The following SHE variants were observed in gnomAD, a reference collection of about 807,000 sequenced individuals.
SHE encodes Src homology 2 domain containing E.
SHE carries 11 observed loss-of-function variants against 49.8 expected under a neutral mutation model. The observed-to-expected ratio is 0.22, with a 90% CI of 0.14 to 0.37. The LOEUF is 0.37. SHE is among the 10% of genes least tolerant of loss of function. The pLI is 1.00. For synonymous variants in SHE, 310 were observed against 278.1 expected (o/e 1.11, Z -1.14); for missense variants, 624 against 655.5 (o/e 0.95, Z 0.52).
chr1:154,489,390 A>G (rs979879066), intron 2 of SHE, 34 bp from the exon 3 acceptor site: 1 of 1,593,866 alleles, frequency 6.3e-7, no homozygotes, highest in South Asian at 1.1e-5. Flanking sequence ...AAAAACACAC[A>G]CCATACACAA....
chr1:154,479,932 G>A lies in SHE; in HGVS notation c.*4217C>T, dbSNP rs1207215761. ...GTCATCATTTTCCCTTTTCTGGACT[G>A]TATCAGAAATCCTTCAGAAAGCCCT... On this transcript the variant is annotated 3_prime_UTR_variant, in exon 6 of 6. Transcript: ENST00000304760. 1 of 985,298 alleles carries A rather than the reference G, an allele frequency of 1.0e-6. No individual in the cohort carries two copies. Among genetic ancestry groups the A allele is most frequent in the Non-Finnish European group, 1.2e-6 (1 of 829,930 alleles). The allele number at this position is 985,298 out of a possible 1,614,324, so 61.0% of individuals were successfully genotyped here. A position where few individuals can be genotyped will look rare whatever the true frequency, so the allele number is the denominator to read the frequency against.
At position 154,499,099 on chromosome 1, in the gene SHE, C is replaced by A. The variant is rs1274857778; in HGVS notation, c.718+13G>T. On this transcript the variant is annotated intron_variant, in intron 2 of 5. Coordinates refer to ENST00000304760, the MANE Select transcript of SHE (RefSeq NM_001010846.3). ...AGATTTCAGTCTCTATTCTGTAGAG[C>A]CTGCTTACAAACCTGTTATCATTTG... 9.3e-6 allele frequency: 15 copies of A among 1,613,386 alleles called. 1 individual carries two copies. The East Asian group carries it at 3.1e-4, about 34-fold the overall frequency.
downstream of SHE, among the ~76,000 whole-genome samples, chr1:154,478,056 T>A (rs920634742): frequency 2.0e-5 from 3 of 152,262 alleles, no homozygotes. Flanking sequence ...TTTGTCTTTT[T>A]GTGACTGACG....
At chr1:154,485,738 A>G in intron 5 of SHE, 1 of 525,042 alleles carries the variant, frequency 1.9e-6, no homozygotes, top group African/African-American at 1.9e-5. Context: ...CTTCATTATC[A>G]TAATAGATAA....
At chr1:154,485,652 C>G in intron 5 of SHE, 1 of 282,428 alleles carries the variant, frequency 3.5e-6, no homozygotes, top group Non-Finnish European at 6.9e-6. Context: ...AATTATTTCT[C>G]TACTGAGAGG....
downstream of SHE, among the ~76,000 whole-genome samples, chr1:154,475,414 C>T (rs140739216): frequency 9.9e-4 from 150 of 152,176 alleles, 1 homozygote; most frequent in East Asian, 0.026. Context: ...CCTGAACTCC[C>T]GACCTCAGGT....
chr1:154,501,386 C>CA, intron 1 of SHE, 50 bp downstream of exon 1: 1 of 1,578,308 alleles, frequency 6.3e-7, no homozygotes, highest in South Asian at 1.2e-5. Context: ...AGCAGGCGCC[C>CA]AGGGCTCCCC....
At chr1:154,495,578 C>T (rs1692503017) in intron 2 of SHE, among the ~76,000 whole-genome samples, 1 of 152,084 alleles carries the variant, frequency 6.6e-6, no homozygotes, top group Non-Finnish European at 1.5e-5. Context: ...ATGCTGGCTC[C>T]TATTCTCAAC....
chr1:154,496,107 T>C (rs1692521500), intron 2 of SHE, among the ~76,000 whole-genome samples: 1 of 152,166 alleles, frequency 6.6e-6, no homozygotes, highest in African/African-American at 2.4e-5. Flanking sequence ...TCCGATAAAC[T>C]CACTTCCTGT....
chr1:154,471,203 C>A (rs1691735855), intron 1 of SHE, among the ~76,000 whole-genome samples: 1 of 151,994 alleles, frequency 6.6e-6, no homozygotes. Context: ...AAGTTCCCAT[C>A]TTCTGCAGGT....
chr1:154,471,126 G>A (rs76074131), intron 1 of SHE, among the ~76,000 whole-genome samples: 3,202 of 152,252 alleles, frequency 0.021, 121 homozygotes, highest in African/African-American at 0.074. Context: ...GTGAGCCCGC[G>A]GGCCACAGGG....
rs200876451 is a variant in SHE at position 154,501,713 on chromosome 1, C to G, written c.314G>C (p.Arg105Pro). The change falls in exon 1 of 6, where the codon CGC becomes CCC. Residue 105 changes from arginine to proline, a missense_variant. This residue lies in a region of SHE where 337 missense variants were observed against 306.0 expected (regional missense o/e 1.10). Coordinates refer to ENST00000304760, the MANE Select transcript of SHE (RefSeq NM_001010846.3). ...CTGAATCAGACCCTGCAGGCTGTCG[C>G]GGGACAGCCGGCTGTCCTTGGGGCC... ...GVGPKDSRLS[R>P]DSLQGLIQAA... 6.2e-7 allele frequency: 1 copy of G among 1,603,158 alleles called. No homozygotes were observed. Among genetic ancestry groups the G allele is most frequent in the Non-Finnish European group, 8.5e-7 (1 of 1,176,574 alleles).
At chr1:154,478,471 C>T (rs527833389), downstream of SHE, among the ~76,000 whole-genome samples, 2 of 149,600 alleles carry the variant, frequency 1.3e-5, no homozygotes, top group Admixed American at 6.6e-5. Context: ...AGACCTGGGC[C>T]GCAATCTGGG....
chr1:154,488,779 G>A (rs895714651), intron 3 of SHE, among the ~76,000 whole-genome samples: 2 of 151,912 alleles, frequency 1.3e-5, no homozygotes, highest in Non-Finnish European at 1.5e-5. Flanking sequence ...TAGAGATGGA[G>A]TTTCGCCATG....
intron 2 of SHE, among the ~76,000 whole-genome samples, chr1:154,493,836 T>C (rs1445448358): frequency 6.6e-6 from 1 of 152,202 alleles, no homozygotes; most frequent in Non-Finnish European, 1.5e-5. Flanking sequence ...TGACTAGGTA[T>C]ACACCTGCTA....
intron 2 of SHE, among the ~76,000 whole-genome samples, chr1:154,490,474 G>A (rs143877024): frequency 7.9e-5 from 12 of 152,346 alleles, no homozygotes; most frequent in African/African-American, 2.9e-4. Flanking sequence ...GGCTCTAGAA[G>A]CTATACTCTT....
Position 154,481,577 on chromosome 1 carries a change from A to G in SHE, c.*2572T>C. The stretch of plus-strand genomic sequence containing the variant: ...TGGGCCAAAAATCATTTAGTGCACA[A>G]AGAAAAATTGTATAAAGCTTTTAGC... On this transcript the variant is annotated 3_prime_UTR_variant, in exon 6 of 6. Coordinates refer to ENST00000304760, the MANE Select transcript of SHE (RefSeq NM_001010846.3). The G allele has an allele frequency of 1.0e-6, 1 of 985,434 alleles. No individual in the cohort carries two copies. Among genetic ancestry groups the G allele is most frequent in the Non-Finnish European group, 1.2e-6 (1 of 829,908 alleles). 61.0% of individuals were successfully genotyped at this position (985,434 alleles called of 1,614,324 possible).
At chr1:154,500,058 T>C (rs1692657618) in intron 1 of SHE, among the ~76,000 whole-genome samples, 1 of 86,764 alleles carries the variant, frequency 1.2e-5, no homozygotes, top group Non-Finnish European at 2.3e-5. Flanking sequence ...AGTTTAGAAG[T>C]AACACTGGAG....
At position 154,481,233 on chromosome 1, in the gene SHE, G is replaced by C. The variant is rs1168008969; in HGVS notation, c.*2916C>G. On this transcript the variant is annotated 3_prime_UTR_variant, in exon 6 of 6. Coordinates refer to ENST00000304760, the MANE Select transcript of SHE (RefSeq NM_001010846.3). ...GAACTTTGTGCCACCACACAGCTGT[G>C]AACTCCCTGGCTTTTGTCAGCTTGT... 2 of 985,294 alleles carry C rather than the reference G, an allele frequency of 2.0e-6. No homozygotes were observed. The highest frequency in any genetic ancestry group is 2.4e-6 in the Non-Finnish European group (2 of 829,950). The allele number at this position is 985,294 out of a possible 1,614,324, so 61.0% of individuals were successfully genotyped here.
Sources: gnomAD v4.1 joint callset for allele counts (sites outside exome capture counted in the v4.1 genomes callset) on GRCh38, gnomAD v4.1.1 for gene constraint, gnomAD v4.1.1 regional missense constraint, MANE v1.5 for transcripts, NCBI Gene and HGNC (gene_info 2026-07-23, HGNC 2026-07-21) for gene names.